SLC38A5: variants seen among roughly 807,000 people sequenced by gnomAD.
SLC38A5 encodes solute carrier family 38 member 5.
Under a neutral mutation model 34.6 loss-of-function variants are expected in SLC38A5, and 9 were observed. The observed-to-expected ratio is 0.26, with a 90% confidence interval of 0.16 to 0.45. The LOEUF is 0.45. Among genes scored for constraint, SLC38A5 ranks in the 20% least tolerant of loss-of-function variants. The probability of loss-of-function intolerance (pLI) is 1.00; values close to 1 mark genes in which losing one functional copy is unlikely to be tolerated. For missense variants in SLC38A5, 253 were observed against 394.7 expected, an observed-to-expected ratio of 0.64 and a Z score of 3.04; for synonymous variants, 157 against 155.6, an observed-to-expected ratio of 1.01 and a Z score of -0.07.
intron 6 of SLC38A5, 94 bp from the exon 7 acceptor site, chrX:48,466,416 G>T: frequency 1.1e-6 from 1 of 905,855 alleles, no homozygotes; most frequent in Non-Finnish European, 1.6e-6. Context: ...TTGGGGCTTG[G>T]GGGAACCGGC....
At chrX:48,468,387 C>T in intron 2 of SLC38A5, 1 of 768,863 alleles carries the variant, frequency 1.3e-6, no homozygotes. Flanking sequence ...CACCGCGTGG[C>T]CAGGCGGCTC....
At chrX:48,463,467 G>A (rs868919334) in intron 8 of SLC38A5, among the ~76,000 whole-genome samples, 19 of 110,557 alleles carry the variant, frequency 1.7e-4, no homozygotes, top group Non-Finnish European at 2.8e-4. Context: ...TTAGCCAGGC[G>A]TGGTGGGGAG....
Position 48,462,160 on chromosome X carries a change from G to A in SLC38A5, c.634-16C>T. 1.7e-6 allele frequency: 2 copies of A among 1,210,030 alleles called. No individual in the cohort carries two copies. The highest frequency in any genetic ancestry group is 1.1e-6 in the Non-Finnish European group (1 of 894,301). ...TGTAGATGACCTGAGGATGGGGGCA[G>A]CAGGGAAGCCAGGTCATGGAGGAAG... On this transcript the variant is annotated splice_polypyrimidine_tract_variant and intron_variant, in intron 10 of 16. Transcript: ENST00000620913.
chrX:48,459,477 G>A, intron 16 of SLC38A5, 59 bp downstream of exon 16: 1 of 1,001,534 alleles, frequency 1.0e-6, no homozygotes, highest in South Asian at 3.2e-5. Context: ...CCATCCTGGA[G>A]TGAGCACTCC....
Position 48,459,623 on chromosome X carries a change from G to A in SLC38A5, c.1230C>T (p.Pro410=). 1 of 1,154,541 alleles carries A rather than the reference G, an allele frequency of 8.7e-7. No individual in the cohort carries two copies. The highest frequency in any genetic ancestry group is 1.8e-5 in the African/African-American group (1 of 55,934). The change falls in exon 16 of 17, where the codon CCC becomes CCT. Residue 410 remains proline, a synonymous_variant. Transcript: ENST00000620913. The part of the protein sequence containing the change: ...IFGVIGSTSA[P]SLIFILPSIF... ...TGCTGGGGAGGATGAAGATGAGGCT[G>A]GGGGCTGAGGTGGACCCTGGAGAAC... is the stretch of plus-strand genomic sequence containing the variant.
chrX:48,467,133 G>A, intron 4 of SLC38A5, 56 bp from the exon 5 acceptor site: 4 of 1,023,983 alleles, frequency 3.9e-6, no homozygotes, highest in Admixed American at 2.5e-5. Context: ...AGGGTAAGGA[G>A]ACTAATGCCA....
intron 2 of SLC38A5, chrX:48,468,347 C>A (rs782004870): frequency 2.1e-5 from 16 of 776,906 alleles, no homozygotes; most frequent in Non-Finnish European, 2.4e-5. Flanking sequence ...CCCGGTCCCC[C>A]GCGCCACCCC....
chrX:48,468,452 A>AC (rs1360149539), intron 2 of SLC38A5: 2 of 709,188 alleles, frequency 2.8e-6, no homozygotes, highest in African/African-American at 6.2e-5. Context: ...TAATGCCCTC[A>AC]CCCCCCTCCT....
At chrX:48,466,941 G>A (rs782684003) in intron 5 of SLC38A5, 21 bp downstream of exon 5, 10 of 1,205,510 alleles carry the variant, frequency 8.3e-6, no homozygotes, top group South Asian at 3.5e-5. Flanking sequence ...CCCTGGCCCC[G>A]CAGGCCACCT....
At chrX:48,466,732 A>T in intron 6 of SLC38A5, 67 bp downstream of exon 6, 1 of 1,085,275 alleles carries the variant, frequency 9.2e-7, no homozygotes, top group South Asian at 2.0e-5. Context: ...TGAGCTCTGG[A>T]TGTGGCTCCA....
intron 4 of SLC38A5, chrX:48,467,326 CG>C: frequency 2.4e-6 from 1 of 412,169 alleles, no homozygotes; most frequent in Non-Finnish European, 4.2e-6. Flanking sequence ...TGGAGAGGAC[CG>C]GGGGAGGGTG....
At chrX:48,465,442 G>A (rs1465355196) in intron 8 of SLC38A5, among the ~76,000 whole-genome samples, 2 of 111,660 alleles carry the variant, frequency 1.8e-5, no homozygotes, top group Non-Finnish European at 3.8e-5. Flanking sequence ...AGCATACTAC[G>A]TGCACACAGA....
At chrX:48,459,661 C>T in intron 15 of SLC38A5, 22 bp from the exon 16 acceptor site, 4 of 1,173,881 alleles carry the variant, frequency 3.4e-6, no homozygotes, top group Non-Finnish European at 4.6e-6. Context: ...GAAGAAGGGA[C>T]AGGAGTCAAC....
rs1490508266 is a variant in SLC38A5 at position 48,458,671 on chromosome X, C to CCTT, written c.*261_*262insAAG. On this transcript the variant is annotated 3_prime_UTR_variant, in exon 17 of 17. Coordinates refer to ENST00000620913, the MANE Select transcript of SLC38A5 (RefSeq NM_033518.4). ...CACCAGGACCTGGCCTCCTCCTCCT[C>CCTT]CTCCTCCTCCTCCTCCTCCTCCTCT... 2 of 969,660 alleles carry CCTT rather than the reference C, an allele frequency of 2.1e-6. No homozygotes were observed. The highest frequency in any genetic ancestry group is 9.6e-5 in the Admixed American group (2 of 20,763). The allele number at this position is 969,660 out of a possible 1,213,427, so 79.9% of individuals were successfully genotyped here. A position where few individuals can be genotyped will look rare whatever the true frequency, so the allele number is the denominator to read the frequency against.
chrX:48,466,454 G>A (rs1387771137), intron 6 of SLC38A5, 132 bp from the exon 7 acceptor site: 5 of 623,870 alleles, frequency 8.0e-6, no homozygotes, highest in Non-Finnish European at 1.0e-5. Context: ...GAAGGTGGGG[G>A]TTAAGCAGTT....
chrX:48,466,856 T>A lies in SLC38A5; in HGVS notation c.262A>T (p.Ile88Phe). ...ATGGAGTAGGACGACAGAAGCGCAA[T>A]GCACAGCAGCAGGGCCCTGCGGCAG... ...VIFFLALLLC[I>F]ALLSSYSIHL... The change falls in exon 6 of 17, where the codon ATT becomes TTT. Residue 88 changes from isoleucine (I) to phenylalanine (F), a missense_variant. Transcript: ENST00000620913. The A allele has an allele frequency of 8.3e-7, 1 of 1,206,666 alleles. No homozygotes were observed. Among genetic ancestry groups the A allele is most frequent in the Non-Finnish European group, 1.1e-6 (1 of 892,985 alleles).
intron 12 of SLC38A5, among the ~76,000 whole-genome samples, chrX:48,461,375 T>C (rs782409292): frequency 9.0e-6 from 1 of 111,080 alleles, no homozygotes; most frequent in South Asian, 3.9e-4. Context: ...ACATCTCCCA[T>C]CATATCATCC....
In SLC38A5 at chrX:48,462,046, G is replaced by A. The variant is rs1185689721; in HGVS notation, c.732C>T (p.Asn244=). The A allele has an allele frequency of 6.9e-6, 8 of 1,157,911 alleles. No individual in the cohort carries two copies. Among genetic ancestry groups the A allele is most frequent in the Non-Finnish European group, 9.2e-6 (8 of 867,971 alleles). Residue 244 remains asparagine (N), a synonymous_variant, in exon 11 of 17, where the codon AAC becomes AAT. Transcript: ENST00000620913. ...ALVGLPSQGL[N]SSCEAQMFTV... ...TGAACATCTGGGCCTCACAGCTGCT[G>A]TTGAGTCCTTGGCTGGGGAGTCCCA...
intron 2 of SLC38A5, 87 bp from the exon 3 acceptor site, chrX:48,468,012 T>C (rs2061491899): frequency 1.1e-6 from 1 of 881,963 alleles, no homozygotes; most frequent in Non-Finnish European, 1.6e-6. Context: ...GGGAGGGGAG[T>C]CCCATAGAGA....
Sources: allele counts gnomAD v4.1 joint callset (sites outside exome capture counted in the v4.1 genomes callset), GRCh38; gene constraint gnomAD v4.1.1; transcripts MANE v1.5; gene names NCBI Gene and HGNC (gene_info 2026-07-23, HGNC 2026-07-21).